The following TEC variants were observed in gnomAD, a reference collection of about 807,000 sequenced individuals.
The protein encoded by TEC is tyrosine-protein kinase Tec.
Under a neutral mutation model 93.0 loss-of-function variants are expected in TEC, and 72 were observed. The observed-to-expected ratio is 0.77, with a 90% CI of 0.64 to 0.94. TEC has a LOEUF of 0.94. Among genes scored for constraint, TEC ranks in the 40% least tolerant of loss-of-function variants. The pLI, the probability that TEC is intolerant of heterozygous loss-of-function variation, is 0.00. For missense variants in TEC, 630 were observed against 757.9 expected (o/e 0.83, Z 1.98); for synonymous variants, 249 against 247.7 (o/e 1.01, Z -0.05).
intron 8 of TEC, among the ~76,000 whole-genome samples, chr4:48,157,346 A>T (rs1193541753): frequency 6.6e-6 from 1 of 152,170 alleles, no homozygotes; most frequent in African/African-American, 2.4e-5. Context: ...GCAAAACATA[A>T]GCACAGGCCT....
In TEC at chr4:48,149,579, T is replaced by A. The variant is rs746395396; in HGVS notation, c.984A>T (p.Glu328Asp). 6.2e-7 allele frequency: 1 copy of A among 1,610,864 alleles called. No individual in the cohort carries two copies. Among genetic ancestry groups the A allele is most frequent in the Non-Finnish European group, 8.5e-7 (1 of 1,179,026 alleles). ...TACCTGCTGCATTGTGCTTATGATA[T>A]TCAATAATCTCAGGAATGGAGCCAA... ...HAFGSIPEIIEYHKHNAAGLV... is the reference protein window; with the variant it reads ...HAFGSIPEIIDYHKHNAAGLV... Residue 328 changes from glutamate (E) to aspartate (D), a missense_variant, in exon 11 of 18, where the codon GAA (glutamate) becomes GAT (aspartate). Glu to Asp is a conservative substitution (Grantham distance 45). Around this residue, in one of 3 missense-constraint regions of TEC, gnomAD observed 289 missense variants for 390.0 expected, o/e 0.74. Coordinates refer to ENST00000381501, the MANE Select transcript of TEC (RefSeq NM_003215.3).
chr4:48,146,436 C>T lies in TEC; in HGVS notation c.1007-37G>A, dbSNP rs80009293. 468 of 1,577,468 alleles carry T rather than the reference C, an allele frequency of 3.0e-4. 3 individuals carry two copies. In the East Asian group the frequency reaches 0.01, roughly 35 times the overall value. On this transcript the variant is annotated intron_variant, in intron 11 of 17. Transcript: ENST00000381501. ...AGAAAGCGTTGCAGTCAAACTCATT[C>T]ATAATCATTCTGCTTGGTCACATGC...
In TEC at chr4:48,137,458, T is replaced by G. The variant is rs368052497; in HGVS notation, c.1854A>C (p.Thr618=). 1 of 1,614,070 alleles carries G rather than the reference T, an allele frequency of 6.2e-7. No homozygotes were observed. The highest frequency in any genetic ancestry group is 1.3e-5 in the African/African-American group (1 of 74,938). ...GRPSFEDLLR[T]IDELVECEET... ...CTTCACATTCAACTAGTTCATCTAT[T>G]GTGCGCAGCAGATCTTCGAAAGAAG... The change falls in exon 18 of 18, where the codon ACA becomes ACC. Residue 618 remains threonine, a synonymous_variant. Coordinates refer to ENST00000381501, the MANE Select transcript of TEC (RefSeq NM_003215.3).
chr4:48,193,741 T>C (rs759222643), intron 2 of TEC, among the ~76,000 whole-genome samples: 1 of 151,984 alleles, frequency 6.6e-6, no homozygotes, highest in Non-Finnish European at 1.5e-5. Flanking sequence ...TGCGTGTGTG[T>C]TCTGAGGCTG....
At chr4:48,248,609 T>C (rs897355438) in intron 1 of TEC, among the ~76,000 whole-genome samples, 1 of 152,230 alleles carries the variant, frequency 6.6e-6, no homozygotes. Context: ...TTAGGTTTTC[T>C]GGTTTGGGAC....
intron 2 of TEC, among the ~76,000 whole-genome samples, chr4:48,227,657 A>C (rs1723514742): frequency 1.3e-5 from 2 of 151,830 alleles, no homozygotes; most frequent in South Asian, 2.1e-4. Context: ...AAAAAAAAAA[A>C]AAAACTAAAC....
intron 15 of TEC, among the ~76,000 whole-genome samples, chr4:48,140,705 T>C (rs1301223255): frequency 6.6e-6 from 1 of 152,232 alleles, no homozygotes; most frequent in Middle Eastern, 3.2e-3. Flanking sequence ...GATTTTTTTT[T>C]ACATGTCATA....
intron 14 of TEC, among the ~76,000 whole-genome samples, chr4:48,142,316 CA>C (rs1365403793): frequency 2.6e-5 from 4 of 151,776 alleles, no homozygotes; most frequent in Non-Finnish European, 5.9e-5. Flanking sequence ...ACTAAAAATA[CA>C]AAAAAAATTA....
Position 48,137,340 on chromosome 4 carries a change from C to T in TEC, c.*76G>A. 1 of 1,170,102 alleles carries T rather than the reference C, an allele frequency of 8.5e-7. No individual in the cohort carries two copies. Among genetic ancestry groups the T allele is most frequent in the Non-Finnish European group, 1.3e-6 (1 of 791,308 alleles). 72.5% of individuals were successfully genotyped at this position (1,170,102 alleles called of 1,614,324 possible). A position where few individuals can be genotyped will look rare whatever the true frequency, so the allele number is the denominator to read the frequency against. On this transcript the variant is annotated 3_prime_UTR_variant, in exon 18 of 18. Coordinates refer to ENST00000381501, the MANE Select transcript of TEC (RefSeq NM_003215.3). ...GTAAAATGATCTACATGTCCAAGTG[C>T]TCAATAAATTAAAAGCCACAAAATG...
chr4:48,252,049 C>G (rs1319989070), intron 1 of TEC, among the ~76,000 whole-genome samples: 2 of 152,164 alleles, frequency 1.3e-5, no homozygotes. Context: ...CACTAGATAA[C>G]AGAACGCAGT....
chr4:48,207,997 T>C (rs1302758629), intron 2 of TEC, among the ~76,000 whole-genome samples: 2 of 152,168 alleles, frequency 1.3e-5, no homozygotes, highest in African/African-American at 2.4e-5. Flanking sequence ...TAAGTCAACA[T>C]GCCCACACCT....
chr4:48,219,129 T>C (rs1400431995), intron 2 of TEC, among the ~76,000 whole-genome samples: 1 of 152,226 alleles, frequency 6.6e-6, no homozygotes, highest in Admixed American at 6.5e-5. Context: ...AATATTACTC[T>C]TTGTTGCATT....
At chr4:48,175,457 G>GGGCT (rs1721283683) in intron 3 of TEC, among the ~76,000 whole-genome samples, 1 of 152,164 alleles carries the variant, frequency 6.6e-6, no homozygotes, top group African/African-American at 2.4e-5. Context: ...TGCTGGGGAG[G>GGGCT]GGCTGAGAGC....
At chr4:48,265,715 G>A (rs1233869264) in intron 1 of TEC, among the ~76,000 whole-genome samples, 1 of 151,980 alleles carries the variant, frequency 6.6e-6, no homozygotes, top group Non-Finnish European at 1.5e-5. Context: ...GTTTCACCAT[G>A]TTGTCCAGAC....
intron 1 of TEC, among the ~76,000 whole-genome samples, chr4:48,237,950 A>T (rs1344478989): frequency 1.3e-5 from 2 of 152,254 alleles, no homozygotes; most frequent in African/African-American, 2.4e-5. Flanking sequence ...GGTGCCTGTC[A>T]ACAGTATCAG....
intron 1 of TEC, among the ~76,000 whole-genome samples, chr4:48,230,426 T>C (rs915757703): frequency 2.6e-5 from 4 of 152,204 alleles, no homozygotes; most frequent in Non-Finnish European, 5.9e-5. Flanking sequence ...GAACTGACCA[T>C]GAAAATACTA....
At chr4:48,250,981 A>C (rs1724184195) in intron 1 of TEC, among the ~76,000 whole-genome samples, 1 of 152,220 alleles carries the variant, frequency 6.6e-6, no homozygotes, top group Admixed American at 6.5e-5. Flanking sequence ...CATCAGGACT[A>C]CTGGAATATC....
intron 2 of TEC, among the ~76,000 whole-genome samples, chr4:48,186,079 C>T (rs879900682): frequency 2.0e-5 from 3 of 152,212 alleles, no homozygotes; most frequent in Non-Finnish European, 2.9e-5. Flanking sequence ...GGCTGGTCTC[C>T]AGCTCCTGAC....
chr4:48,193,353 A>G (rs1018973240), intron 2 of TEC, among the ~76,000 whole-genome samples: 4 of 151,914 alleles, frequency 2.6e-5, no homozygotes, highest in East Asian at 1.9e-4. Context: ...CTTCTGCTGC[A>G]GTTCTCTCAG....
Sources: gnomAD v4.1 joint callset for allele counts (sites outside exome capture counted in the v4.1 genomes callset) on GRCh38, gnomAD v4.1.1 for gene constraint, gnomAD v4.1.1 regional missense constraint, MANE v1.5 for transcripts, NCBI Gene and HGNC (gene_info 2026-07-23, HGNC 2026-07-21) for gene names.